ZNF341: variants seen among roughly 807,000 people sequenced by gnomAD.
ZNF341 encodes zinc finger protein 341.
Under a neutral mutation model 87.7 loss-of-function variants are expected in ZNF341, and 52 were observed. The observed-to-expected ratio is 0.59, with a 90% confidence interval of 0.47 to 0.75. ZNF341 has a LOEUF of 0.75. ZNF341 is among the 30% of genes least tolerant of loss of function. The probability of loss-of-function intolerance (pLI) is 0.00; values close to 1 mark genes in which losing one functional copy is unlikely to be tolerated. For missense variants in ZNF341, 977 were observed against 1,145.9 expected (o/e 0.85, Z 2.13); for synonymous variants, 459 against 472.7 (o/e 0.97, Z 0.38).
At chr20:33,764,525 A>ATG (rs540983227) in intron 8 of ZNF341, among the ~76,000 whole-genome samples, 14 of 118,946 alleles carry the variant, frequency 1.2e-4, no homozygotes, top group African/African-American at 3.8e-4. Context: ...ATGTATATAT[A>ATG]TGTGTGTGTG....
chr20:33,736,716 G>C (rs1844220186), intron 1 of ZNF341, among the ~76,000 whole-genome samples: 1 of 152,070 alleles, frequency 6.6e-6, no homozygotes, highest in Non-Finnish European at 1.5e-5. Context: ...ATTTTTTACT[G>C]TTATACCTAA....
In ZNF341 at chr20:33,791,218, T is replaced by G. The variant is rs2122753112; in HGVS notation, c.2266T>G (p.Cys756Gly). ...CCAGAGGAGGGCAGCCCCCCGCAGTTGCGGCAGTGGTGGGCGCAAGGTGCT... is the reference window on the plus strand; with the variant it reads ...CCAGAGGAGGGCAGCCCCCCGCAGTGGCGGCAGTGGTGGGCGCAAGGTGCT... ...PPQRRAAPRSCGSGGRKVLTP... is the reference protein window; with the variant it reads ...PPQRRAAPRSGGSGGRKVLTP... Residue 756 changes from cysteine (C) to glycine (G), a missense_variant, in exon 15 of 15, where the codon TGC becomes GGC. Transcript: ENST00000375200. 1 of 1,612,162 alleles carries G rather than the reference T, an allele frequency of 6.2e-7. No homozygotes were observed. Among genetic ancestry groups the G allele is most frequent in the African/African-American group, 1.3e-5 (1 of 75,002 alleles).
chr20:33,749,058 C>T lies in ZNF341; in HGVS notation c.475C>T (p.Pro159Ser), dbSNP rs1568938045. Residue 159 changes from proline to serine, a missense_variant, in exon 4 of 15, where the codon CCC (proline) becomes TCC (serine). Transcript: ENST00000375200. ...CCTGGACCAGCCCATGCCCCAGGGCCCCCCACCTGTGCAGGTAAGAAGGTG... is the reference window on the plus strand; with the variant it reads ...CCTGGACCAGCCCATGCCCCAGGGCTCCCCACCTGTGCAGGTAAGAAGGTG... ...TSLDQPMPQG[P>S]PPVQSSLNMH... 5 of 1,613,632 alleles carry T rather than the reference C, an allele frequency of 3.1e-6. No individual in the cohort carries two copies. Among genetic ancestry groups the T allele is most frequent in the Admixed American group, 1.7e-5 (1 of 59,976 alleles).
In ZNF341 at chr20:33,791,548, C is replaced by T; in HGVS notation, c.*31C>T. The T allele has an allele frequency of 6.6e-7, 1 of 1,510,362 alleles. No individual in the cohort carries two copies. The highest frequency in any genetic ancestry group is 8.8e-7 in the Non-Finnish European group (1 of 1,133,506). 93.6% of individuals were successfully genotyped at this position (1,510,362 alleles called of 1,614,324 possible). ...CTGAGGTGTCTGTTTCCTGGGCAGG[C>T]CTGATGCTCCTGTTTGGGTCCAGGG... On this transcript the variant is annotated 3_prime_UTR_variant, in exon 15 of 15. Coordinates refer to ENST00000375200, the MANE Select transcript of ZNF341 (RefSeq NM_001282933.2).
intron 4 of ZNF341, among the ~76,000 whole-genome samples, chr20:33,750,149 A>G (rs2747550): frequency 0.056 from 8,564 of 152,134 alleles, 802 homozygotes; most frequent in African/African-American, 0.19. Flanking sequence ...AGAGATGACC[A>G]TCTCCCTTTG....
intron 1 of ZNF341, among the ~76,000 whole-genome samples, chr20:33,734,286 C>G (rs1464787115): frequency 1.3e-5 from 2 of 152,192 alleles, no homozygotes; most frequent in Non-Finnish European, 2.9e-5. Context: ...AGCAGCTAAA[C>G]TTTATCTTGG....
At chr20:33,737,658 G>A (rs1025711551) in intron 1 of ZNF341, among the ~76,000 whole-genome samples, 35 of 152,104 alleles carry the variant, frequency 2.3e-4, no homozygotes, top group African/African-American at 7.7e-4. Flanking sequence ...TGGGGGACAA[G>A]GGAATGGGTG....
Position 33,791,187 on chromosome 20 carries a change from GC to G in ZNF341, c.2242del (p.Gln748ArgfsTer17), listed in dbSNP as rs747874764. 8.1e-6 allele frequency: 13 copies of G among 1,612,832 alleles called. No individual in the cohort carries two copies. Among genetic ancestry groups the G allele is most frequent in the Non-Finnish European group, 1.1e-5 (13 of 1,179,946 alleles). ...QKDKDLQTRR[P>X]PQRRAAPRSC... ...AGGACAAGGACCTGCAAACCCGGCG[GC>G]CCCCCCAGAGGAGGGCAGCCCCCCG... On this transcript the variant is annotated frameshift_variant, in exon 15 of 15. Coordinates refer to ENST00000375200, the MANE Select transcript of ZNF341 (RefSeq NM_001282933.2). LOFTEE classifies it high-confidence loss of function.
chr20:33,759,479 T>C (rs1327051572), intron 7 of ZNF341, among the ~76,000 whole-genome samples: 1 of 152,134 alleles, frequency 6.6e-6, no homozygotes, highest in Non-Finnish European at 1.5e-5. Flanking sequence ...AGATGGGGTT[T>C]CTCCATGTTG....
At chr20:33,769,378 G>GA (rs201509190) in intron 9 of ZNF341, among the ~76,000 whole-genome samples, 50,939 of 125,784 alleles carry the variant, frequency 0.4, 14,591 homozygotes, top group African/African-American at 0.78. Flanking sequence ...GTGGTGGTGG[G>GA]GGGGGGGGCA....
chr20:33,774,269 C>T (rs1171444451), intron 10 of ZNF341, among the ~76,000 whole-genome samples: 1 of 152,022 alleles, frequency 6.6e-6, no homozygotes, highest in Non-Finnish European at 1.5e-5. Context: ...TCCATCCAGC[C>T]TGGGTGACAG....
At chr20:33,755,642 G>T (rs2019160953) in intron 5 of ZNF341, among the ~76,000 whole-genome samples, 2 of 147,678 alleles carry the variant, frequency 1.4e-5, no homozygotes, top group Admixed American at 6.8e-5. Flanking sequence ...ACCCAGGCTG[G>T]AGTGCAATGG....
At position 33,748,941 on chromosome 20, in the gene ZNF341, G is replaced by A. The variant is rs1266975199; in HGVS notation, c.358G>A (p.Val120Met). Reference sequence around the variant, plus strand: ...TGTCCAGATCTCCACATACATCACAGTGCCCCCGTCCCCACTGATCCAGAC... The same window carrying A: ...TGTCCAGATCTCCACATACATCACAATGCCCCCGTCCCCACTGATCCAGAC... ...ANRQISTYIT[V>M]PPSPLIQTLV... is the part of the protein sequence containing the mutation. The change falls in exon 4 of 15, where the codon GTG (valine) becomes ATG (methionine). Residue 120 changes from valine to methionine, a missense_variant. Coordinates refer to ENST00000375200, the MANE Select transcript of ZNF341 (RefSeq NM_001282933.2). 1.2e-6 allele frequency: 2 copies of A among 1,613,658 alleles called. No homozygotes were observed. The highest frequency in any genetic ancestry group is 1.7e-6 in the Non-Finnish European group (2 of 1,179,716).
chr20:33,788,552 C>G, intron 12 of ZNF341: 1 of 407,682 alleles, frequency 2.5e-6, no homozygotes, highest in Admixed American at 3.6e-5. Context: ...TGTTGTTCAT[C>G]AGCACCGCCA....
chr20:33,761,579 A>C (rs1219963087), intron 7 of ZNF341, among the ~76,000 whole-genome samples: 1 of 152,184 alleles, frequency 6.6e-6, no homozygotes, highest in Admixed American at 6.6e-5. Context: ...TCCTCATTTA[A>C]ATGGGCTTGA....
intron 4 of ZNF341, chr20:33,752,221 A>T: frequency 3.5e-6 from 2 of 570,818 alleles, no homozygotes; most frequent in Non-Finnish European, 6.9e-6. Context: ...TAACAGGTAC[A>T]TAGGTAACCA....
rs372041153 is a variant in ZNF341 at position 33,745,089 on chromosome 20, G to C, written c.143-14G>C. The C allele has an allele frequency of 1.2e-6, 2 of 1,603,088 alleles. No individual in the cohort carries two copies. Among genetic ancestry groups the C allele is most frequent in the South Asian group, 1.1e-5 (1 of 90,794 alleles). ...CTGTGGCCTCTTCCCACTACTCTGC[G>C]GGTATGACCCCAGATGACGAGGATG... On this transcript the variant is annotated splice_polypyrimidine_tract_variant and intron_variant, in intron 2 of 14. Transcript: ENST00000375200.
At chr20:33,772,678 G>A (rs2019555888) in intron 10 of ZNF341, among the ~76,000 whole-genome samples, 1 of 152,150 alleles carries the variant, frequency 6.6e-6, no homozygotes, top group South Asian at 2.1e-4. Context: ...CTATCAGGAG[G>A]AACCGCAAGT....
chr20:33,768,126 G>GTTT (rs34236809), intron 9 of ZNF341, among the ~76,000 whole-genome samples: 2 of 149,464 alleles, frequency 1.3e-5, no homozygotes, highest in South Asian at 2.1e-4. Flanking sequence ...AGGATCAAGT[G>GTTT]TTTTTTTTTT....
Sources: gnomAD v4.1 joint callset for allele counts (sites outside exome capture counted in the v4.1 genomes callset) on GRCh38, gnomAD v4.1.1 for gene constraint, MANE v1.5 for transcripts, NCBI Gene and HGNC (gene_info 2026-07-23, HGNC 2026-07-21) for gene names.